CDRT4: variants seen among roughly 807,000 people sequenced by gnomAD.
The protein encoded by CDRT4 is CMT1A duplicated region transcript 4.
For synonymous variants in CDRT4, 64 were observed against 69.6 expected, an observed-to-expected ratio of 0.92 and a Z score of 0.40; for missense variants, 167 against 193.1, an observed-to-expected ratio of 0.87 and a Z score of 0.80.
chr17:15,465,589 AAC>A (rs1979999908), intron 1 of CDRT4, among the ~76,000 whole-genome samples: 1 of 151,802 alleles, frequency 6.6e-6, no homozygotes, highest in Non-Finnish European at 1.5e-5. Context: ...CACACACACC[AAC>A]ACACAGACAC....
intron 1 of CDRT4, among the ~76,000 whole-genome samples, chr17:15,462,122 G>A (rs1979777054): frequency 6.8e-6 from 1 of 147,444 alleles, no homozygotes; most frequent in Non-Finnish European, 1.5e-5. Context: ...GGTCAGGGGA[G>A]AGGTCTCTAG....
At chr17:15,461,857 A>C (rs1044998503) in intron 1 of CDRT4, among the ~76,000 whole-genome samples, 1 of 152,254 alleles carries the variant, frequency 6.6e-6, no homozygotes, top group African/African-American at 2.4e-5. Context: ...ATAAGTAGGC[A>C]TTACTGAAGG....
At chr17:15,457,651 A>C (rs1201016190) in intron 1 of CDRT4, among the ~76,000 whole-genome samples, 1 of 152,252 alleles carries the variant, frequency 6.6e-6, no homozygotes, top group Non-Finnish European at 1.5e-5. Context: ...TGTTCAAAGT[A>C]AACACTGGAA....
At chr17:15,463,229 T>A (rs1979838724) in intron 1 of CDRT4, among the ~76,000 whole-genome samples, 3 of 151,942 alleles carry the variant, frequency 2.0e-5, no homozygotes, top group Admixed American at 6.5e-5. Context: ...AGGGTTTTTA[T>A]GAGTTGGGCT....
chr17:15,455,364 C>A lies in CDRT4; in HGVS notation c.-129-2279G>T, dbSNP rs140995347. On this transcript the variant is annotated intron_variant, in intron 1 of 3. Coordinates refer to ENST00000619038, the MANE Select transcript of CDRT4 (RefSeq NM_001204477.2). Reference sequence around the variant, plus strand: ...CCTCACAACTCACATCTTAACAGAACTGCAAAGGTGACAGAGCCAATAGGA... The same window carrying A: ...CCTCACAACTCACATCTTAACAGAAATGCAAAGGTGACAGAGCCAATAGGA... Among the ~76,000 whole-genome samples the A allele has an allele frequency of 3.3e-3, 508 of 152,328 alleles. 10 individuals are homozygous for A. Among genetic ancestry groups the A allele is most frequent in the Admixed American group, 0.021 (315 of 15,292 alleles).
chr17:15,446,037 C>T, intron 2 of CDRT4, among the ~76,000 whole-genome samples: 1 of 152,100 alleles, frequency 6.6e-6, no homozygotes, highest in Non-Finnish European at 1.5e-5. Flanking sequence ...AGGAAGCTAC[C>T]ACTAAAGCCA....
At chr17:15,460,676 C>T (rs1403657734) in intron 1 of CDRT4, among the ~76,000 whole-genome samples, 1 of 152,206 alleles carries the variant, frequency 6.6e-6, no homozygotes. Context: ...TGCTCCCACA[C>T]TTGCCCCCTG....
intron 2 of CDRT4, among the ~76,000 whole-genome samples, chr17:15,440,673 T>C (rs1435745587): frequency 6.6e-6 from 1 of 152,116 alleles, no homozygotes; most frequent in Non-Finnish European, 1.5e-5. Context: ...AGTGGTCACA[T>C]TACTACAAGC....
At chr17:15,465,791 G>A (rs1420611890) in intron 1 of CDRT4, among the ~76,000 whole-genome samples, 1 of 152,234 alleles carries the variant, frequency 6.6e-6, no homozygotes, top group East Asian at 1.9e-4. Flanking sequence ...CTCTTGCTGT[G>A]GTCAGGGAAG....
intron 2 of CDRT4, among the ~76,000 whole-genome samples, chr17:15,451,925 G>A (rs932095853): frequency 1.3e-5 from 2 of 152,174 alleles, no homozygotes; most frequent in Non-Finnish European, 2.9e-5. Flanking sequence ...CACATTCATT[G>A]CTCTGTCCCC....
intron 2 of CDRT4, among the ~76,000 whole-genome samples, chr17:15,441,945 G>A (rs193101219): frequency 3.5e-4 from 54 of 152,162 alleles, no homozygotes; most frequent in African/African-American, 1.2e-3. Context: ...TAATTGTAAG[G>A]TAAAGCATCT....
At chr17:15,444,888 C>T (rs1469804167) in intron 2 of CDRT4, among the ~76,000 whole-genome samples, 1 of 152,156 alleles carries the variant, frequency 6.6e-6, no homozygotes, top group Non-Finnish European at 1.5e-5. Flanking sequence ...CACCACCTGC[C>T]AATACCAAAA....
At chr17:15,448,172 G>A (rs998172063) in intron 2 of CDRT4, among the ~76,000 whole-genome samples, 1 of 152,152 alleles carries the variant, frequency 6.6e-6, no homozygotes, top group African/African-American at 2.4e-5. Flanking sequence ...CTTTTCAAAC[G>A]CTCAAAGCAC....
At chr17:15,453,388 T>A (rs983394564) in intron 1 of CDRT4, among the ~76,000 whole-genome samples, 1 of 152,154 alleles carries the variant, frequency 6.6e-6, no homozygotes, top group Non-Finnish European at 1.5e-5. Context: ...TGCCAGGAAA[T>A]CCTGAAGTTC....
intron 3 of CDRT4, among the ~76,000 whole-genome samples, chr17:15,438,969 G>A (rs969758478): frequency 6.6e-6 from 1 of 152,196 alleles, no homozygotes; most frequent in Admixed American, 6.5e-5. Context: ...TTGCTGGCCA[G>A]AAGTTTGGGG....
chr17:15,457,697 G>A (rs1979548265), intron 1 of CDRT4, among the ~76,000 whole-genome samples: 1 of 152,248 alleles, frequency 6.6e-6, no homozygotes, highest in African/African-American at 2.4e-5. Flanking sequence ...GGAGCCAGCA[G>A]GGTCTGAGCT....
At chr17:15,444,139 T>G (rs1487913560) in intron 2 of CDRT4, 2 of 1,284,952 alleles carry the variant, frequency 1.6e-6, no homozygotes, top group Middle Eastern at 2.6e-4. Flanking sequence ...AGGAAATTTT[T>G]GGATGGTATA....
chr17:15,462,427 C>CAAAAAAAA (rs55662712), intron 1 of CDRT4, among the ~76,000 whole-genome samples: 1 of 59,892 alleles, frequency 1.7e-5, no homozygotes, highest in Non-Finnish European at 3.0e-5. Context: ...GACTCCATCT[C>CAAAAAAAA]AAAAAAAAAA....
intron 1 of CDRT4, among the ~76,000 whole-genome samples, chr17:15,467,083 T>C (rs1597474754): frequency 6.6e-6 from 1 of 151,510 alleles, no homozygotes; most frequent in Admixed American, 6.6e-5. Flanking sequence ...GGAACGGGGG[T>C]ATATTTTGTG....
Sources: gnomAD v4.1 joint callset for allele counts (sites outside exome capture counted in the v4.1 genomes callset) on GRCh38, gnomAD v4.1.1 for gene constraint, MANE v1.5 for transcripts, NCBI Gene and HGNC (gene_info 2026-07-23, HGNC 2026-07-21) for gene names.